The following STXBP6 variants were observed in gnomAD, a reference collection of about 807,000 sequenced individuals.
The protein encoded by STXBP6 is syntaxin binding protein 6, also known as syntaxin-binding protein 6.
Under a neutral mutation model 26.9 loss-of-function variants are expected in STXBP6, and 21 were observed. That is an observed-to-expected ratio of 0.78 (90% confidence interval 0.55 to 1.12). STXBP6 has a LOEUF of 1.12. Among genes scored for constraint, STXBP6 ranks in the 50% most tolerant of loss-of-function variants. The pLI is 0.00. For synonymous variants in STXBP6, 97 were observed against 92.6 expected (o/e 1.05, Z -0.27); for missense variants, 232 against 257.9 (o/e 0.90, Z 0.69).
chr14:24,882,235 C>A (rs1008014815), intron 2 of STXBP6, among the ~76,000 whole-genome samples: 7 of 149,732 alleles, frequency 4.7e-5, no homozygotes, highest in African/African-American at 1.5e-4. Flanking sequence ...AAAAATTAGC[C>A]GGGCGTAGTG....
chr14:25,025,777 C>T (rs898642357), intron 1 of STXBP6, among the ~76,000 whole-genome samples: 6 of 152,172 alleles, frequency 3.9e-5, no homozygotes, highest in Admixed American at 2.0e-4. Context: ...CAGCAGTGAC[C>T]ACCTTTTGGA....
rs555044180 is a variant in STXBP6 at position 24,938,895 on chromosome 14, A to C, written c.154+35770T>G. ...ACTTGCTCTATTAAACCATTGTGGC[A>C]GTACAACAAAGGCAGAGGGTTGATG... On this transcript the variant is annotated intron_variant, in intron 2 of 5. Transcript: ENST00000323944. Among the ~76,000 whole-genome samples the C allele has an allele frequency of 9.2e-5, 14 of 152,306 alleles. 1 individual carries two copies. In the South Asian group the frequency reaches 2.9e-3, roughly 32 times the overall value.
In STXBP6 at chr14:24,810,290, A is replaced by C. The variant is rs2067782743; in HGVS notation, c.*2419T>G. The stretch of plus-strand genomic sequence containing the variant: ...CAAATCATGACAGTTATTTTGTCTA[A>C]GACCGTATTAATACTTTGCACTGCA... On this transcript the variant is annotated 3_prime_UTR_variant, in exon 6 of 6. Transcript: ENST00000323944. 1 of 152,228 alleles carries C rather than the reference A, an allele frequency of 6.6e-6. No homozygotes were observed. The highest frequency in any genetic ancestry group is 2.1e-4 in the South Asian group (1 of 4,834). 9.4% of individuals were successfully genotyped at this position (152,228 alleles called of 1,614,324 possible).
intron 2 of STXBP6, among the ~76,000 whole-genome samples, chr14:24,891,453 C>T (rs376512208): frequency 1.3e-5 from 2 of 152,168 alleles, no homozygotes; most frequent in African/African-American, 4.8e-5. Context: ...GTAAATACCA[C>T]AATTTCATTT....
At position 24,877,141 on chromosome 14, in the gene STXBP6, A is replaced by G. The variant is rs12590906; in HGVS notation, c.155-19984T>C. The stretch of plus-strand genomic sequence containing the variant: ...TAAACAAAACAAAGAACATCTGTGA[A>G]CATATTAGAAATCTGGTCACTCACT... On this transcript the variant is annotated intron_variant, in intron 2 of 5. Transcript: ENST00000323944. Among the ~76,000 whole-genome samples the G allele has an allele frequency of 1.5e-3, 227 of 152,330 alleles. 2 individuals are homozygous for G. In the East Asian group the frequency reaches 0.017, roughly 11 times the overall value.
chr14:25,013,735 T>G (rs1372164452), intron 1 of STXBP6, among the ~76,000 whole-genome samples: 2 of 143,072 alleles, frequency 1.4e-5, no homozygotes, highest in African/African-American at 5.3e-5. Flanking sequence ...TGATCCCATT[T>G]GACAAAAAAA....
chr14:24,937,409 C>T (rs1311979469), intron 2 of STXBP6, among the ~76,000 whole-genome samples: 1 of 152,132 alleles, frequency 6.6e-6, no homozygotes, highest in Non-Finnish European at 1.5e-5. Flanking sequence ...GTTACTATGC[C>T]TTTATATATA....
chr14:25,008,232 G>A (rs7141216), intron 1 of STXBP6, among the ~76,000 whole-genome samples: 1 of 152,166 alleles, frequency 6.6e-6, no homozygotes, highest in Non-Finnish European at 1.5e-5. Flanking sequence ...GGCCAGGTAT[G>A]GTGGCTCACA....
At chr14:24,933,741 C>G (rs974323074) in intron 2 of STXBP6, among the ~76,000 whole-genome samples, 15 of 152,146 alleles carry the variant, frequency 9.9e-5, no homozygotes, top group African/African-American at 3.1e-4. Flanking sequence ...AGAACACACG[C>G]TCCTATAAAA....
chr14:24,978,192 T>A (rs966513127), intron 1 of STXBP6, among the ~76,000 whole-genome samples: 8 of 152,232 alleles, frequency 5.3e-5, no homozygotes, highest in African/African-American at 1.9e-4. Flanking sequence ...CATGGAGAGC[T>A]TTTCAAAAAC....
chr14:24,976,220 G>A (rs1436460297), intron 1 of STXBP6, among the ~76,000 whole-genome samples: 2 of 152,166 alleles, frequency 1.3e-5, no homozygotes, highest in East Asian at 3.8e-4. Flanking sequence ...AAGATCACGG[G>A]ATCATCCTTC....
intron 1 of STXBP6, among the ~76,000 whole-genome samples, chr14:24,982,694 C>A (rs1023935099): frequency 6.6e-6 from 1 of 152,236 alleles, no homozygotes. Context: ...TCTGCTTCAA[C>A]TATAAACCTA....
chr14:24,855,737 G>A (rs2069304835), intron 4 of STXBP6, among the ~76,000 whole-genome samples, 199 bp downstream of exon 4: 1 of 152,038 alleles, frequency 6.6e-6, no homozygotes, highest in African/African-American at 2.4e-5. Context: ...CCAGCTTTTG[G>A]ACAAGAGTGA....
intron 1 of STXBP6, chr14:24,987,855 A>G: frequency 1.0e-6 from 1 of 985,556 alleles, no homozygotes; most frequent in Non-Finnish European, 1.2e-6. Flanking sequence ...GACAAAGAGC[A>G]GAGCAAAGCT....
intron 2 of STXBP6, among the ~76,000 whole-genome samples, chr14:24,889,545 C>T (rs897705121): frequency 6.8e-6 from 1 of 146,572 alleles, no homozygotes; most frequent in Non-Finnish European, 1.5e-5. Flanking sequence ...TGCACATGTA[C>T]CCTAAACTTA....
At chr14:24,921,372 C>A (rs1173206296) in intron 2 of STXBP6, among the ~76,000 whole-genome samples, 2 of 152,088 alleles carry the variant, frequency 1.3e-5, no homozygotes, top group African/African-American at 2.4e-5. Context: ...GTGTGATCTC[C>A]AAGAAGAAAT....
intron 4 of STXBP6, among the ~76,000 whole-genome samples, chr14:24,822,059 T>G (rs141007621): frequency 6.6e-6 from 1 of 152,200 alleles, no homozygotes; most frequent in Non-Finnish European, 1.5e-5. Flanking sequence ...TAGGTCATGC[T>G]GCTGAGCTCC....
At chr14:24,951,929 G>A (rs1210267706) in intron 2 of STXBP6, among the ~76,000 whole-genome samples, 2 of 151,580 alleles carry the variant, frequency 1.3e-5, no homozygotes, top group East Asian at 1.9e-4. Context: ...TCAGGCAATT[G>A]GGAAAGCTAA....
At chr14:25,013,738 CAAA>C (rs1246293987) in intron 1 of STXBP6, among the ~76,000 whole-genome samples, 6 of 87,192 alleles carry the variant, frequency 6.9e-5, no homozygotes, top group Non-Finnish European at 5.0e-5. Context: ...TCCCATTTGA[CAAA>C]AAAAAAAAAA....
Sources: gnomAD v4.1 joint callset for allele counts (sites outside exome capture counted in the v4.1 genomes callset) on GRCh38, gnomAD v4.1.1 for gene constraint, MANE v1.5 for transcripts, NCBI Gene and HGNC (gene_info 2026-07-23, HGNC 2026-07-21) for gene names.